Variants in PTPRR observed in about 807,000 individuals in gnomAD.
PTPRR encodes receptor-type tyrosine-protein phosphatase R.
PTPRR carries 38 observed loss-of-function variants against 77.2 expected under a neutral mutation model. The ratio of observed to expected loss-of-function variants is 0.49; its 90% CI spans 0.38 to 0.65. The LOEUF is 0.65. Among genes scored for constraint, PTPRR ranks in the 30% least tolerant of loss-of-function variants. The pLI, the probability that PTPRR is intolerant of heterozygous loss-of-function variation, is 0.00. For missense variants in PTPRR, 744 were observed against 799.2 expected, an observed-to-expected ratio of 0.93 and a Z score of 0.83; for synonymous variants, 299 against 283.1, an observed-to-expected ratio of 1.06 and a Z score of -0.57.
chr12:70,896,301 CT>C lies in PTPRR; in HGVS notation c.59-3325del, dbSNP rs565375549. Among the ~76,000 whole-genome samples, 267 of 151,754 alleles carry C rather than the reference CT, an allele frequency of 1.8e-3. 2 individuals are homozygous for C. Among genetic ancestry groups the C allele is most frequent in the African/African-American group, 6.1e-3 (255 of 41,482 alleles). On this transcript the variant is annotated intron_variant, in intron 1 of 13. Coordinates refer to ENST00000283228, the MANE Select transcript of PTPRR (RefSeq NM_002849.4). The stretch of plus-strand genomic sequence containing the variant: ...TATCATTGAAGATTTTAACTGTTCC[CT>C]CTCAATAGTAAGTAGATTGAGGAGA...
At chr12:70,790,885 C>G (rs935371236) in intron 2 of PTPRR, among the ~76,000 whole-genome samples, 8 of 151,874 alleles carry the variant, frequency 5.3e-5, no homozygotes, top group Non-Finnish European at 1.2e-4. Flanking sequence ...AAAAAACCAG[C>G]CATCATTCTT....
At chr12:70,794,974 C>G (rs1891485971) in intron 2 of PTPRR, among the ~76,000 whole-genome samples, 1 of 151,936 alleles carries the variant, frequency 6.6e-6, no homozygotes, top group Admixed American at 6.6e-5. Flanking sequence ...CAGGGTGGGA[C>G]AGTTGAGAAG....
intron 2 of PTPRR, among the ~76,000 whole-genome samples, chr12:70,891,765 T>TA (rs962039253): frequency 1.3e-5 from 2 of 151,984 alleles, no homozygotes; most frequent in South Asian, 2.1e-4. Context: ...TGTAGTAGGT[T>TA]AAAAAAATAA....
chr12:70,641,849 G>A (rs539797987), intron 13 of PTPRR, among the ~76,000 whole-genome samples: 3 of 152,196 alleles, frequency 2.0e-5, no homozygotes, highest in Admixed American at 6.5e-5. Flanking sequence ...CCCAAAAGAC[G>A]TCTTAAGGCT....
intron 5 of PTPRR, among the ~76,000 whole-genome samples, chr12:70,747,357 A>C (rs1012715116): frequency 1.3e-5 from 2 of 152,252 alleles, no homozygotes; most frequent in Non-Finnish European, 2.9e-5. Flanking sequence ...TTCCCAAATG[A>C]AGAAACAAAT....
At chr12:70,727,645 T>C (rs1889490640) in intron 6 of PTPRR, among the ~76,000 whole-genome samples, 1 of 152,166 alleles carries the variant, frequency 6.6e-6, no homozygotes, top group South Asian at 2.1e-4. Context: ...ATGTCTTGGA[T>C]ACATTGAGGG....
chr12:70,890,908 A>AC (rs1412525921), intron 2 of PTPRR, among the ~76,000 whole-genome samples: 2 of 152,016 alleles, frequency 1.3e-5, no homozygotes, highest in African/African-American at 4.8e-5. Context: ...TAATTGCATC[A>AC]CCCCTTTGCT....
At chr12:70,672,436 A>C in intron 10 of PTPRR, 1 of 1,095,058 alleles carries the variant, frequency 9.1e-7, no homozygotes, top group African/African-American at 1.5e-5. Flanking sequence ...CAAGCACATC[A>C]AGGCCACAGA....
chr12:70,791,406 T>C (rs1278667731), intron 2 of PTPRR, among the ~76,000 whole-genome samples: 1 of 152,216 alleles, frequency 6.6e-6, no homozygotes, highest in African/African-American at 2.4e-5. Context: ...ACTGAAACAT[T>C]ACCTTTTCAG....
intron 2 of PTPRR, among the ~76,000 whole-genome samples, chr12:70,774,824 AC>A (rs1482759148): frequency 2.6e-5 from 4 of 152,204 alleles, no homozygotes; most frequent in Admixed American, 1.3e-4. Context: ...AAAATATATG[AC>A]TTTATATAGT....
At chr12:70,803,844 C>T (rs1180101115) in intron 2 of PTPRR, among the ~76,000 whole-genome samples, 2 of 152,086 alleles carry the variant, frequency 1.3e-5, no homozygotes, top group South Asian at 4.1e-4. Context: ...TTCTTTACTG[C>T]CACTAAGGTG....
intron 7 of PTPRR, among the ~76,000 whole-genome samples, chr12:70,699,251 A>G (rs1475663112): frequency 6.6e-6 from 1 of 152,224 alleles, no homozygotes. Context: ...ATTTGATCAA[A>G]TAAGATATTT....
At chr12:70,648,021 G>A (rs1280354633) in intron 13 of PTPRR, among the ~76,000 whole-genome samples, 2 of 152,120 alleles carry the variant, frequency 1.3e-5, no homozygotes, top group Admixed American at 6.5e-5. Flanking sequence ...CATCTTGAGT[G>A]TAACCCACTT....
intron 2 of PTPRR, among the ~76,000 whole-genome samples, chr12:70,881,168 C>A (rs1338925170): frequency 1.3e-5 from 2 of 152,130 alleles, no homozygotes; most frequent in Non-Finnish European, 1.5e-5. Context: ...ATAGAAACAA[C>A]ATGTACTTGT....
At chr12:70,692,211 G>GTATA (rs1888079823) in intron 8 of PTPRR, among the ~76,000 whole-genome samples, 2 of 151,876 alleles carry the variant, frequency 1.3e-5, no homozygotes, top group Non-Finnish European at 2.9e-5. Flanking sequence ...TTTGTCCGTT[G>GTATA]GACTCAATTT....
intron 2 of PTPRR, among the ~76,000 whole-genome samples, chr12:70,851,060 CATTTG>C (rs905055008): frequency 2.6e-5 from 4 of 151,928 alleles, no homozygotes; most frequent in South Asian, 2.1e-4. Context: ...ATACATAAGT[CATTTG>C]ATTTAATTCT....
intron 2 of PTPRR, among the ~76,000 whole-genome samples, chr12:70,857,150 C>G (rs543574784): frequency 3.3e-5 from 5 of 152,062 alleles, no homozygotes; most frequent in African/African-American, 1.2e-4. Flanking sequence ...ATTTGATATC[C>G]TGGATGAAAA....
intron 1 of PTPRR, among the ~76,000 whole-genome samples, chr12:70,893,893 G>T (rs970379241): frequency 6.6e-6 from 1 of 151,810 alleles, no homozygotes; most frequent in Admixed American, 6.6e-5. Context: ...CTTTGTTAGA[G>T]CAATTGAATT....
intron 12 of PTPRR, among the ~76,000 whole-genome samples, chr12:70,659,337 A>T (rs1886710348): frequency 6.6e-6 from 1 of 152,146 alleles, no homozygotes; most frequent in Non-Finnish European, 1.5e-5. Flanking sequence ...AAATACATGG[A>T]TGAGGTCAGA....
Sources: gnomAD v4.1 joint callset for allele counts (sites outside exome capture counted in the v4.1 genomes callset) on GRCh38, gnomAD v4.1.1 for gene constraint, MANE v1.5 for transcripts, NCBI Gene and HGNC (gene_info 2026-07-23, HGNC 2026-07-21) for gene names.